Variants in CEP131 observed in about 807,000 individuals in gnomAD.
CEP131 encodes the protein centrosomal protein 131, also known as centrosomal protein of 131 kDa.
CEP131 carries 99 observed loss-of-function variants against 136.8 expected under a neutral mutation model. That is an observed-to-expected ratio of 0.72 (90% CI 0.62 to 0.86). The LOEUF is 0.86. CEP131 is among the 40% of genes least tolerant of loss of function. The pLI, the probability that CEP131 is intolerant of heterozygous loss-of-function variation, is 0.00. For missense variants in CEP131, 1,459 were observed against 1,463.0 expected (o/e 1.00, Z 0.04); for synonymous variants, 646 against 612.7 (o/e 1.05, Z -0.80).
At chr17:81,192,685 G>GGGGGGCGGGC in intron 19 of CEP131, 51 bp downstream of exon 19, 1 of 478,438 alleles carries the variant, frequency 2.1e-6, no homozygotes. Flanking sequence ...GGGGGGAGGG[G>GGGGGGCGGGC]TCAGCCAGCG....
chr17:81,195,006 G>A (rs373106768), intron 16 of CEP131, 34 bp from the exon 17 acceptor site: 48 of 1,545,778 alleles, frequency 3.1e-5, no homozygotes, highest in Middle Eastern at 1.7e-4. Flanking sequence ...GAAACGACAC[G>A]AAGGACACCC....
In CEP131 at chr17:81,192,295, C is replaced by A. The variant is rs779796959; in HGVS notation, c.2622+23G>T. 10 of 1,547,360 alleles carry A rather than the reference C, an allele frequency of 6.5e-6. No individual in the cohort carries two copies. In the African/African-American group the frequency reaches 9.6e-5, roughly 15 times the overall value. ...CGCAGGGCAGCCCCCAACCCCTGCCCACCTGGGTGCCCAGGCCCCCACCTC... is the reference window on the plus strand; with the variant it reads ...CGCAGGGCAGCCCCCAACCCCTGCCAACCTGGGTGCCCAGGCCCCCACCTC... On this transcript the variant is annotated intron_variant, in intron 21 of 25. Transcript: ENST00000450824.
At chr17:81,216,103 T>TA (rs1238584882) in intron 2 of CEP131, among the ~76,000 whole-genome samples, 1 of 152,120 alleles carries the variant, frequency 6.6e-6, no homozygotes, top group African/African-American at 2.4e-5. Context: ...CTCACACCTG[T>TA]AATCCCAGCA....
chr17:81,197,673 C>T (rs769846611), intron 13 of CEP131, 39 bp downstream of exon 13: 23 of 1,581,880 alleles, frequency 1.5e-5, no homozygotes, highest in Non-Finnish European at 2.0e-5. Context: ...GAGGGGCCTC[C>T]TCCCACTGGG....
At position 81,195,580 on chromosome 17, in the gene CEP131, C is replaced by T. The variant is rs140107063; in HGVS notation, c.2016+255G>A. Among the ~76,000 whole-genome samples, 54 of 152,274 alleles carry T rather than the reference C, an allele frequency of 3.5e-4. 1 individual carries two copies. In the East Asian group the frequency reaches 9.1e-3, roughly 26 times the overall value. On this transcript the variant is annotated intron_variant, in intron 16 of 25. Coordinates refer to ENST00000450824, the MANE Select transcript of CEP131 (RefSeq NM_014984.4). ...GGGTCCACGGCTACCGTGCTGTGGC[C>T]GGGCAGGGACTGTGCGTCCACATCT...
At chr17:81,206,897 C>T in intron 4 of CEP131, 26 bp from the exon 5 acceptor site, 1 of 1,606,390 alleles carries the variant, frequency 6.2e-7, no homozygotes, top group African/African-American at 1.3e-5. Context: ...GCCCATGACA[C>T]CGCCCGCACA....
At chr17:81,199,283 A>T in intron 10 of CEP131, 98 bp downstream of exon 10, 1 of 1,351,612 alleles carries the variant, frequency 7.4e-7, no homozygotes, top group Non-Finnish European at 9.9e-7. Flanking sequence ...CAACATGGGC[A>T]GCAGCACAGG....
intron 5 of CEP131, among the ~76,000 whole-genome samples, chr17:81,205,431 ATGGGGGTAGGAGGG>A (rs2061985320): frequency 1.4e-4 from 5 of 34,760 alleles, no homozygotes; most frequent in African/African-American, 5.3e-4. Context: ...GGGCAGCGGG[ATGGGGGTAGGAGGG>A]GTGGGGGGGT....
chr17:81,213,475 C>T (rs928187526), intron 2 of CEP131, among the ~76,000 whole-genome samples: 2 of 151,848 alleles, frequency 1.3e-5, no homozygotes, highest in African/African-American at 4.8e-5. Context: ...AGGAAAATCG[C>T]TTGAACCCGG....
intron 2 of CEP131, among the ~76,000 whole-genome samples, chr17:81,209,609 C>A (rs576417689): frequency 1.3e-5 from 2 of 149,128 alleles, no homozygotes; most frequent in South Asian, 4.3e-4. Context: ...AGGATCAGAG[C>A]GCTCGGAGAA....
At position 81,208,040 on chromosome 17, in the gene CEP131, A is replaced by C. The variant is rs1055660694; in HGVS notation, c.273-801T>G. Among the ~76,000 whole-genome samples, 2 of 77,858 alleles carry C rather than the reference A, an allele frequency of 2.6e-5. No individual in the cohort carries two copies. The highest frequency in any genetic ancestry group is 5.1e-4 in the South Asian group (1 of 1,958). The allele number at this position is 77,858 out of a possible 152,430, so 51.1% of individuals were successfully genotyped here. On this transcript the variant is annotated intron_variant, in intron 3 of 25. Transcript: ENST00000450824. This position sits in a 1 kb window ranked among gnomAD's most constrained non-coding sequence, Gnocchi z 5.6. ...CACACCACACACCCACACACCACAC[A>C]CCCCCCACACACACCACACTCACAC...
rs145316788 is a variant in CEP131 at position 81,215,067 on chromosome 17, G to A, written c.177+4813C>T. Among the ~76,000 whole-genome samples the A allele has an allele frequency of 1.8e-3, 275 of 150,446 alleles. No individual in the cohort carries two copies. Among genetic ancestry groups the A allele is most frequent in the African/African-American group, 6.2e-3 (255 of 40,844 alleles). ...GCTGGGATTACAGGCATGAGCCACCGCGCCTGGCCAAAAATTTACAATTTA... is the reference window on the plus strand; with the variant it reads ...GCTGGGATTACAGGCATGAGCCACCACGCCTGGCCAAAAATTTACAATTTA... On this transcript the variant is annotated intron_variant, in intron 2 of 25. Coordinates refer to ENST00000450824, the MANE Select transcript of CEP131 (RefSeq NM_014984.4). This position sits in a 1 kb window ranked among gnomAD's most constrained non-coding sequence, Gnocchi z 4.1.
chr17:81,207,986 C>G (rs866426723), intron 3 of CEP131, among the ~76,000 whole-genome samples: 161 of 1,680 alleles, frequency 0.096, 1 homozygote, highest in South Asian at 0.36. Context: ...ATGCACCACT[C>G]ACAAACCACA....
chr17:81,207,820 C>T (rs1294800002), intron 3 of CEP131, among the ~76,000 whole-genome samples: 4 of 151,258 alleles, frequency 2.6e-5, no homozygotes, highest in Admixed American at 6.6e-5. Context: ...ACAGCTGCGC[C>T]GAACACAACT....
intron 21 of CEP131, 123 bp from the exon 22 acceptor site, chr17:81,191,458 CT>C: frequency 1.2e-6 from 1 of 865,928 alleles, no homozygotes; most frequent in Non-Finnish European, 1.8e-6. Context: ...GGCCTTCCCC[CT>C]CTCCAGACCC....
Position 81,193,945 on chromosome 17 carries a change from G to C in CEP131, c.2302C>G (p.Arg768Gly), listed in dbSNP as rs777702625. 1.9e-6 allele frequency: 3 copies of C among 1,538,680 alleles called. No individual in the cohort carries two copies. Among genetic ancestry groups the C allele is most frequent in the South Asian group, 2.4e-5 (2 of 83,590 alleles). ...REKEALGQQERERARQRFQQH... is the reference protein window; with the variant it reads ...REKEALGQQEGERARQRFQQH... ...ACCCACCGCTGCCGAGCACGTTCGC[G>C]CTCCTGCTGGCCCAGCGCCTCCTTC... is the stretch of plus-strand genomic sequence containing the variant. The change falls in exon 18 of 26, where the codon CGC (arginine) becomes GGC (glycine). Residue 768 changes from arginine to glycine, a missense_variant. This residue lies in a region of CEP131 where 1,026 missense variants were observed against 964.2 expected (regional missense o/e 1.06). Transcript: ENST00000450824.
In CEP131 at chr17:81,190,629, C is replaced by A. The variant is rs770896458; in HGVS notation, c.3107+10G>T. On this transcript the variant is annotated intron_variant, in intron 24 of 25. Transcript: ENST00000450824. The stretch of plus-strand genomic sequence containing the variant: ...CCTCCGTCTCCAGCCCTGCAGCCCC[C>A]GCCGCCCACCTCCGGTGCACCTCCT... 1.3e-6 allele frequency: 2 copies of A among 1,568,614 alleles called. No homozygotes were observed. The highest frequency in any genetic ancestry group is 3.5e-5 in the Admixed American group (2 of 56,450).
At chr17:81,193,444 G>A (rs977152540) in intron 18 of CEP131, among the ~76,000 whole-genome samples, 5 of 152,156 alleles carry the variant, frequency 3.3e-5, no homozygotes, top group African/African-American at 1.2e-4. Context: ...GCCCCCTGTG[G>A]CCCGCAGATC....
chr17:81,192,685 G>GGGGGGGGGGGGCCCC, intron 19 of CEP131, 51 bp downstream of exon 19: 2 of 478,412 alleles, frequency 4.2e-6, no homozygotes, highest in Non-Finnish European at 8.1e-6. Context: ...GGGGGGAGGG[G>GGGGGGGGGGGGCCCC]TCAGCCAGCG....
Sources: gnomAD v4.1 joint callset for allele counts (sites outside exome capture counted in the v4.1 genomes callset) on GRCh38, gnomAD v4.1.1 for gene constraint, gnomAD v4.1.1 regional missense constraint, Gnocchi (gnomAD v3.1) non-coding constraint, MANE v1.5 for transcripts, NCBI Gene and HGNC (gene_info 2026-07-23, HGNC 2026-07-21) for gene names.